The following ARK2C variants were observed in gnomAD, a reference collection of about 807,000 sequenced individuals.
ARK2C encodes arkadia (RNF111) C-terminal like ring finger ubiquitin ligase 2C.
At chr18:46,350,901 C>G in the ARK2C span, among the ~76,000 whole-genome samples, 1 of 152,232 alleles carries the variant, frequency 6.6e-6, no homozygotes, top group Non-Finnish European at 1.5e-5. Flanking sequence ...GGCCCATTAC[C>G]TGGGAGGAGA....
chr18:46,335,617 C>T, the ARK2C span: 2 of 152,090 alleles, frequency 1.3e-5, no homozygotes, highest in Non-Finnish European at 2.9e-5. Context: ...TGATGTCTTC[C>T]CTTGGCCGAC....
the ARK2C span, among the ~76,000 whole-genome samples, chr18:46,374,561 G>C: frequency 6.6e-6 from 1 of 152,300 alleles, no homozygotes; most frequent in East Asian, 1.9e-4. Context: ...AACGTCTTCA[G>C]GGTTCACCTG....
the ARK2C span, among the ~76,000 whole-genome samples, chr18:46,403,366 T>G: frequency 6.6e-6 from 1 of 152,056 alleles, no homozygotes. Context: ...AAGCTCTCCC[T>G]GCCCCCGGAG....
chr18:46,449,829 A>G, the ARK2C span, among the ~76,000 whole-genome samples: 2 of 152,074 alleles, frequency 1.3e-5, no homozygotes, highest in Non-Finnish European at 2.9e-5. Context: ...ATTCTTGGGT[A>G]TTTCTTCATA....
At chr18:46,360,315 A>G in the ARK2C span, among the ~76,000 whole-genome samples, 3 of 152,302 alleles carry the variant, frequency 2.0e-5, no homozygotes, top group East Asian at 1.9e-4. Context: ...GTGGCCAGCC[A>G]TGGAGGAACA....
the ARK2C span, among the ~76,000 whole-genome samples, chr18:46,430,938 G>C: frequency 6.6e-6 from 1 of 152,160 alleles, no homozygotes. Flanking sequence ...TACATGTGCA[G>C]AACGTGCGGG....
the ARK2C span, among the ~76,000 whole-genome samples, chr18:46,455,384 G>A: frequency 6.6e-6 from 1 of 152,160 alleles, no homozygotes; most frequent in South Asian, 2.1e-4. Context: ...ACTGTGCACA[G>A]TCATAGCTTT....
the ARK2C span, among the ~76,000 whole-genome samples, chr18:46,362,827 G>A: frequency 2.0e-5 from 3 of 151,930 alleles, no homozygotes; most frequent in Non-Finnish European, 2.9e-5. Flanking sequence ...ACATACGAGA[G>A]CCAAGAGGAA....
the ARK2C span, among the ~76,000 whole-genome samples, chr18:46,369,229 C>T: frequency 6.6e-6 from 1 of 152,080 alleles, no homozygotes; most frequent in African/African-American, 2.4e-5. Context: ...TTTCCAGATA[C>T]CCAGGAGCCA....
At chr18:46,393,592 A>G in the ARK2C span, among the ~76,000 whole-genome samples, 221 of 152,278 alleles carry the variant, frequency 1.5e-3, 1 homozygote, top group African/African-American at 5.2e-3. Flanking sequence ...TAATCAGCAA[A>G]GTGTAAGGTC....
the ARK2C span, among the ~76,000 whole-genome samples, chr18:46,368,456 G>A: frequency 6.6e-6 from 1 of 152,174 alleles, no homozygotes; most frequent in Non-Finnish European, 1.5e-5. Context: ...GCTGGCAGAA[G>A]CTCATGAGTA....
At chr18:46,443,096 A>C in the ARK2C span, among the ~76,000 whole-genome samples, 1 of 152,170 alleles carries the variant, frequency 6.6e-6, no homozygotes, top group Non-Finnish European at 1.5e-5. Flanking sequence ...TCTGTCTGTT[A>C]ATTGGGGTGT....
At chr18:46,379,220 A>T in the ARK2C span, among the ~76,000 whole-genome samples, 1 of 152,212 alleles carries the variant, frequency 6.6e-6, no homozygotes, top group African/African-American at 2.4e-5. Flanking sequence ...TCAGTCAAGG[A>T]AAACCTCTTT....
chr18:46,341,204 T>TA, the ARK2C span, among the ~76,000 whole-genome samples: 34 of 62,852 alleles, frequency 5.4e-4, no homozygotes, highest in African/African-American at 1.7e-3. Flanking sequence ...TGAAGGCCTC[T>TA]GGAGAGTTTG....
the ARK2C span, among the ~76,000 whole-genome samples, chr18:46,353,760 G>C: frequency 6.6e-6 from 1 of 152,148 alleles, no homozygotes; most frequent in African/African-American, 2.4e-5. Flanking sequence ...TCTGAGAAGG[G>C]AAAGGAAACG....
chr18:46,336,847 C>T, the ARK2C span: 2 of 985,330 alleles, frequency 2.0e-6, no homozygotes, highest in Non-Finnish European at 1.2e-6. Flanking sequence ...CTGAAGATTG[C>T]ACTTAGTTGG....
At chr18:46,384,212 T>G in the ARK2C span, among the ~76,000 whole-genome samples, 1 of 152,190 alleles carries the variant, frequency 6.6e-6, no homozygotes, top group South Asian at 2.1e-4. Flanking sequence ...AACCCCTCCC[T>G]CCATCTAGAA....
the ARK2C span, among the ~76,000 whole-genome samples, chr18:46,367,724 C>G: frequency 1.3e-5 from 2 of 152,180 alleles, no homozygotes; most frequent in Non-Finnish European, 2.9e-5. Context: ...TAGCCTGTGA[C>G]TTTGTGCTTT....
the ARK2C span, chr18:46,460,111 T>A: frequency 6.5e-6 from 1 of 152,744 alleles, no homozygotes; most frequent in East Asian, 1.9e-4. Flanking sequence ...AAGCTCCTCT[T>A]CTGCAAATGT....
Sources: gnomAD v4.1 joint callset for allele counts (sites outside exome capture counted in the v4.1 genomes callset) on GRCh38, gnomAD v4.1.1 for gene constraint, MANE v1.5 for transcripts, NCBI Gene and HGNC (gene_info 2026-07-23, HGNC 2026-07-21) for gene names.